FGF12: variants seen among roughly 807,000 people sequenced by gnomAD.
The protein encoded by FGF12 is fibroblast growth factor 12.
FGF12 carries 14 observed loss-of-function variants against 23.6 expected under a neutral mutation model. That is an observed-to-expected ratio of 0.59 (90% CI 0.39 to 0.93). The LOEUF is 0.93. Among genes scored for constraint, FGF12 ranks in the 40% least tolerant of loss-of-function variants. FGF12 has a pLI of 0.00. For missense variants in FGF12, 175 were observed against 217.8 expected (o/e 0.80, Z 1.24); for synonymous variants, 62 against 77.3 (o/e 0.80, Z 1.04).
intron 5 of FGF12, among the ~76,000 whole-genome samples, chr3:192,166,715 A>G (rs185027451): frequency 6.6e-6 from 1 of 152,378 alleles, no homozygotes; most frequent in African/African-American, 2.4e-5. Flanking sequence ...GCACCTGCAC[A>G]GAGTAAGCAT....
chr3:192,692,076 T>C (rs185377455), intron 2 of FGF12, among the ~76,000 whole-genome samples: 6 of 152,304 alleles, frequency 3.9e-5, no homozygotes, highest in Admixed American at 3.9e-4. Context: ...GGTTGAATTC[T>C]ACCAGACATT....
intron 2 of FGF12, among the ~76,000 whole-genome samples, chr3:192,636,033 G>A (rs186548364): frequency 6.6e-6 from 1 of 152,270 alleles, no homozygotes; most frequent in Non-Finnish European, 1.5e-5. Flanking sequence ...ACTGCACTGA[G>A]GAAGATTCTG....
Position 192,467,974 on chromosome 3 carries a change from C to T in FGF12, c.14-107436G>A, listed in dbSNP as rs534757830. ...TTGCATTTACTAAAGTTCCCCTCCT[C>T]GGCAGAGGATGAAAGGGCGTGGACC... On this transcript the variant is annotated intron_variant, in intron 2 of 5. Coordinates refer to ENST00000445105, the MANE Select transcript of FGF12 (RefSeq NM_004113.6). 2.6e-3 allele frequency among the ~76,000 whole-genome samples: 403 copies of T among 152,162 alleles called. 3 individuals are homozygous for T. Among genetic ancestry groups the T allele is most frequent in the Non-Finnish European group, 4.2e-3 (286 of 68,026 alleles).
At chr3:192,587,516 A>G (rs1253185993) in intron 2 of FGF12, among the ~76,000 whole-genome samples, 1 of 151,850 alleles carries the variant, frequency 6.6e-6, no homozygotes, top group Non-Finnish European at 1.5e-5. Context: ...CCGAAAATCA[A>G]CTCAAGATAC....
chr3:192,530,073 G>A (rs1227648621), intron 2 of FGF12, among the ~76,000 whole-genome samples: 1 of 151,772 alleles, frequency 6.6e-6, no homozygotes, highest in Non-Finnish European at 1.5e-5. Context: ...CCTCTTATTG[G>A]ATTGTATGTT....
chr3:192,563,187 G>T (rs1229970625), intron 2 of FGF12, among the ~76,000 whole-genome samples: 2 of 152,184 alleles, frequency 1.3e-5, no homozygotes, highest in African/African-American at 4.8e-5. Flanking sequence ...AAATAACAAA[G>T]TTAGATCTAT....
chr3:192,392,220 A>G (rs2108762446), intron 2 of FGF12, among the ~76,000 whole-genome samples: 1 of 152,242 alleles, frequency 6.6e-6, no homozygotes, highest in South Asian at 2.1e-4. Context: ...ACATCATTTT[A>G]TAATCAGAGT....
intron 2 of FGF12, among the ~76,000 whole-genome samples, chr3:192,654,517 G>A (rs567962429): frequency 1.3e-4 from 20 of 152,302 alleles, no homozygotes; most frequent in African/African-American, 4.1e-4. Context: ...CAATAGCTCT[G>A]TCCTACTCTG....
At chr3:192,237,927 T>C (rs1412145335) in intron 4 of FGF12, 3 of 152,252 alleles carry the variant, frequency 2.0e-5, no homozygotes, top group African/African-American at 7.2e-5. Flanking sequence ...TTAGAGTTCT[T>C]GCACTAGTTC....
At chr3:192,467,891 T>A (rs143670709) in intron 2 of FGF12, among the ~76,000 whole-genome samples, 1,608 of 152,144 alleles carry the variant, frequency 0.011, 17 homozygotes, top group South Asian at 0.027. Flanking sequence ...CTAAAAGAAG[T>A]CTTCAGCGGC....
At chr3:192,628,020 C>G (rs958027639) in intron 2 of FGF12, among the ~76,000 whole-genome samples, 15 of 152,200 alleles carry the variant, frequency 9.9e-5, no homozygotes, top group Middle Eastern at 3.4e-3. Context: ...CAACTGATCT[C>G]TAACCTCTGG....
At chr3:192,442,305 A>G (rs985592645) in intron 2 of FGF12, among the ~76,000 whole-genome samples, 6 of 152,204 alleles carry the variant, frequency 3.9e-5, no homozygotes, top group African/African-American at 1.2e-4. Context: ...AGTGAAAAAC[A>G]ATGGTTTGTG....
At chr3:192,176,896 C>T (rs946253224) in intron 4 of FGF12, among the ~76,000 whole-genome samples, 2 of 152,308 alleles carry the variant, frequency 1.3e-5, no homozygotes, top group Admixed American at 6.5e-5. Context: ...CCAACTAACA[C>T]ATTCCCCTTC....
At chr3:192,277,671 G>T (rs563685242) in intron 4 of FGF12, among the ~76,000 whole-genome samples, 1 of 152,148 alleles carries the variant, frequency 6.6e-6, no homozygotes, top group Non-Finnish European at 1.5e-5. Flanking sequence ...TCCTCCTTGC[G>T]TGTATTCAGA....
intron 2 of FGF12, among the ~76,000 whole-genome samples, chr3:192,582,882 C>T (rs1408527752): frequency 1.3e-5 from 2 of 152,248 alleles, no homozygotes; most frequent in East Asian, 1.9e-4. Flanking sequence ...TTCCCTTCCT[C>T]ACATCCCTAG....
At chr3:192,628,356 TA>T (rs1715252619) in intron 2 of FGF12, among the ~76,000 whole-genome samples, 1 of 151,460 alleles carries the variant, frequency 6.6e-6, no homozygotes, top group South Asian at 2.1e-4. Context: ...TTTTCTGGAA[TA>T]AAACTCAAGA....
intron 2 of FGF12, among the ~76,000 whole-genome samples, chr3:192,432,856 A>G (rs1336977109): frequency 6.6e-6 from 1 of 152,104 alleles, no homozygotes; most frequent in Non-Finnish European, 1.5e-5. Context: ...CTGAGATATG[A>G]GCATGTGTTG....
chr3:192,286,777 T>C (rs547006027), intron 4 of FGF12, among the ~76,000 whole-genome samples: 1 of 152,130 alleles, frequency 6.6e-6, no homozygotes, highest in South Asian at 2.1e-4. Context: ...TATCAACAAG[T>C]GATCAAATAA....
At position 192,170,577 on chromosome 3, in the gene FGF12, C is replaced by T. The variant is rs768509717; in HGVS notation, c.308G>A (p.Arg103His). 8 of 1,613,146 alleles carry T rather than the reference C, an allele frequency of 5.0e-6. No individual in the cohort carries two copies. Among genetic ancestry groups the T allele is most frequent in the East Asian group, 2.2e-5 (1 of 44,844 alleles). ...CCAAGCTCGGCCTGATTCTTGCTGGCGGTACAGTGTGGAAGAATAGATCAC... is the reference window on the plus strand; with the variant it reads ...CCAAGCTCGGCCTGATTCTTGCTGGTGGTACAGTGTGGAAGAATAGATCAC... The part of the protein sequence containing the change: ...YYVIYSSTLY[R>H]QQESGRAWFL... Residue 103 changes from arginine (R) to histidine (H), a missense_variant, in exon 5 of 6, where the codon CGC becomes CAC. Arg to His is a conservative substitution (Grantham distance 29, BLOSUM62 0). Transcript: ENST00000445105.
Sources: allele counts gnomAD v4.1 joint callset (sites outside exome capture counted in the v4.1 genomes callset), GRCh38; gene constraint gnomAD v4.1.1; transcripts MANE v1.5; gene names NCBI Gene and HGNC (gene_info 2026-07-23, HGNC 2026-07-21).